Variants in PTPRT observed in about 807,000 individuals in gnomAD.
PTPRT encodes the protein receptor-type tyrosine-protein phosphatase T.
In PTPRT, 56 loss-of-function variants were observed where a neutral mutation model predicts 176.8. The observed-to-expected ratio is 0.32, with a 90% CI of 0.26 to 0.40. The LOEUF (loss-of-function observed/expected upper bound fraction) is 0.40. Among genes scored for constraint, PTPRT ranks in the 10% least tolerant of loss-of-function variants. The pLI, the probability that PTPRT is intolerant of heterozygous loss-of-function variation, is 1.00. For missense variants in PTPRT, 1,540 were observed against 1,908.2 expected (o/e 0.81, Z 3.60); for synonymous variants, 783 against 739.0 (o/e 1.06, Z -0.96).
intron 6 of PTPRT, among the ~76,000 whole-genome samples, chr20:42,745,476 C>T (rs1482494708): frequency 2.0e-5 from 3 of 152,184 alleles, no homozygotes; most frequent in African/African-American, 4.8e-5. Context: ...TGTCAGTACC[C>T]CCCCTCTCCC....
chr20:43,175,466 A>G (rs1411821049), intron 1 of PTPRT, among the ~76,000 whole-genome samples: 2 of 152,278 alleles, frequency 1.3e-5, no homozygotes, highest in Non-Finnish European at 2.9e-5. Flanking sequence ...TTATTAATAA[A>G]TCTTAAATTT....
At chr20:42,254,649 A>G (rs1002307526) in intron 13 of PTPRT, among the ~76,000 whole-genome samples, 3 of 152,208 alleles carry the variant, frequency 2.0e-5, no homozygotes, top group African/African-American at 7.2e-5. Flanking sequence ...AGGAATCAAC[A>G]CAGGAAACGT....
chr20:43,078,787 G>C (rs898060711), intron 1 of PTPRT, among the ~76,000 whole-genome samples: 1 of 152,120 alleles, frequency 6.6e-6, no homozygotes, highest in African/African-American at 2.4e-5. Flanking sequence ...TACTTTTCTG[G>C]CAAAAGAATC....
intron 12 of PTPRT, among the ~76,000 whole-genome samples, chr20:42,298,999 T>C (rs1351090281): frequency 6.6e-6 from 1 of 151,994 alleles, no homozygotes; most frequent in African/African-American, 2.4e-5. Flanking sequence ...TGAAATAATA[T>C]AAAGTGATAC....
intron 1 of PTPRT, among the ~76,000 whole-genome samples, chr20:42,995,474 C>T (rs1262722080): frequency 6.6e-6 from 1 of 152,276 alleles, no homozygotes; most frequent in South Asian, 2.1e-4. Context: ...TAGGCATCCA[C>T]TTCAGGGCTC....
chr20:42,611,736 G>C (rs748469962), intron 7 of PTPRT, among the ~76,000 whole-genome samples: 5 of 152,118 alleles, frequency 3.3e-5, no homozygotes, highest in Non-Finnish European at 7.4e-5. Context: ...CTGGCTGTGG[G>C]CATTCCTTCT....
intron 1 of PTPRT, among the ~76,000 whole-genome samples, chr20:42,998,888 C>G (rs894956189): frequency 1.3e-5 from 2 of 152,210 alleles, no homozygotes; most frequent in East Asian, 3.9e-4. Context: ...TTACCCTCCT[C>G]TGCACCCCAC....
At chr20:42,391,440 C>G (rs541852848) in intron 9 of PTPRT, among the ~76,000 whole-genome samples, 8 of 152,236 alleles carry the variant, frequency 5.3e-5, no homozygotes, top group Non-Finnish European at 1.2e-4. Context: ...GGAACTGGAG[C>G]CATAGCCAAT....
chr20:43,010,906 TGAGA>T (rs1985083655), intron 1 of PTPRT, among the ~76,000 whole-genome samples: 2 of 152,252 alleles, frequency 1.3e-5, no homozygotes, highest in Admixed American at 6.5e-5. Flanking sequence ...ACAAGTCCCC[TGAGA>T]GAGAGGCAAC....
At chr20:42,274,765 G>A (rs991481266) in intron 13 of PTPRT, among the ~76,000 whole-genome samples, 5 of 152,242 alleles carry the variant, frequency 3.3e-5, no homozygotes, top group East Asian at 3.9e-4. Flanking sequence ...GCTTCAATAT[G>A]TTGTGGAAGT....
intron 27 of PTPRT, among the ~76,000 whole-genome samples, chr20:42,087,267 G>A (rs1037549122): frequency 6.6e-6 from 1 of 152,060 alleles, no homozygotes; most frequent in Admixed American, 6.5e-5. Flanking sequence ...GTCTCACTCT[G>A]TTACCTAGGC....
chr20:43,140,443 AGTGTGTGTGT>A (rs6147356), intron 1 of PTPRT, among the ~76,000 whole-genome samples: 2,098 of 146,910 alleles, frequency 0.014, 39 homozygotes, highest in African/African-American at 0.041. Context: ...ACCTCTGGGT[AGTGTGTGTGT>A]GTGTGTGTGT....
At chr20:42,516,040 T>G (rs2072059587) in intron 7 of PTPRT, among the ~76,000 whole-genome samples, 1 of 135,622 alleles carries the variant, frequency 7.4e-6, no homozygotes, top group African/African-American at 2.8e-5. Flanking sequence ...CACTCATAGG[T>G]GGGAATTGAA....
intron 17 of PTPRT, among the ~76,000 whole-genome samples, chr20:42,159,935 C>T (rs1175867410): frequency 6.6e-6 from 1 of 152,176 alleles, no homozygotes; most frequent in African/African-American, 2.4e-5. Flanking sequence ...CAGCTGTCTG[C>T]ACCCCCAGTT....
chr20:42,043,333 T>A, the PTPRT span, among the ~76,000 whole-genome samples: 2 of 152,190 alleles, frequency 1.3e-5, no homozygotes, highest in African/African-American at 4.8e-5. Context: ...ATTCTATCCC[T>A]CAAGTAAACA....
intron 4 of PTPRT, among the ~76,000 whole-genome samples, chr20:42,775,338 C>T (rs2077120355): frequency 6.6e-6 from 1 of 152,218 alleles, no homozygotes; most frequent in South Asian, 2.1e-4. Flanking sequence ...CCAGTACGCA[C>T]ATTAGAAACA....
intron 7 of PTPRT, among the ~76,000 whole-genome samples, chr20:42,518,741 T>C (rs374217520): frequency 1.3e-5 from 2 of 152,256 alleles, no homozygotes; most frequent in African/African-American, 4.8e-5. Context: ...ATAATTTCCA[T>C]TATTTTACTG....
At chr20:43,141,570 G>A (rs576654864) in intron 1 of PTPRT, among the ~76,000 whole-genome samples, 16 of 152,276 alleles carry the variant, frequency 1.1e-4, no homozygotes, top group African/African-American at 3.6e-4. Context: ...TGGCCAAAAC[G>A]AGCCACGTGT....
intron 18 of PTPRT, among the ~76,000 whole-genome samples, chr20:42,138,501 T>A (rs1357147976): frequency 1.3e-5 from 2 of 152,200 alleles, no homozygotes; most frequent in African/African-American, 4.8e-5. Flanking sequence ...AGATTACACC[T>A]TTATAAAGAA....
Sources: allele counts gnomAD v4.1 joint callset (sites outside exome capture counted in the v4.1 genomes callset), GRCh38; gene constraint gnomAD v4.1.1; transcripts MANE v1.5; gene names NCBI Gene and HGNC (gene_info 2026-07-23, HGNC 2026-07-21).